The following CSMD1 variants were observed in gnomAD, a reference collection of about 807,000 sequenced individuals.
CSMD1 encodes CUB and sushi domain-containing protein 1.
A neutral mutation model predicts 417.5 loss-of-function variants in CSMD1; 213 were observed. The ratio of observed to expected loss-of-function variants is 0.51; its 90% confidence interval spans 0.46 to 0.57. The LOEUF (loss-of-function observed/expected upper bound fraction) is 0.57. Ranked by LOEUF, CSMD1 falls within the 20% of genes least tolerant of loss-of-function variation. The probability of loss-of-function intolerance (pLI) is 0.00; values close to 1 mark genes in which losing one functional copy is unlikely to be tolerated. For synonymous variants in CSMD1, 2,862 were observed against 1,736.8 expected, an observed-to-expected ratio of 1.65 and a Z score of -16.11; for missense variants, 6,923 against 4,529.7, an observed-to-expected ratio of 1.53 and a Z score of -15.17.
intron 25 of CSMD1, among the ~76,000 whole-genome samples, chr8:3,305,244 TTC>T (rs1320926613): frequency 3.3e-5 from 5 of 152,262 alleles, no homozygotes; most frequent in Non-Finnish European, 5.9e-5. Context: ...AAATATTAAA[TTC>T]TGTTACTCAG....
chr8:4,804,029 T>C (rs1226526973), intron 1 of CSMD1, among the ~76,000 whole-genome samples: 1 of 152,210 alleles, frequency 6.6e-6, no homozygotes, highest in Non-Finnish European at 1.5e-5. Context: ...GCCACATCTT[T>C]TAAATGCCAA....
intron 49 of CSMD1, among the ~76,000 whole-genome samples, chr8:3,062,594 T>C (rs1465619002): frequency 1.4e-5 from 2 of 139,716 alleles, no homozygotes; most frequent in East Asian, 2.1e-4. Context: ...AAATGCAAAA[T>C]TGAGGATAAT....
chr8:4,265,241 T>G (rs994368672), intron 3 of CSMD1, among the ~76,000 whole-genome samples: 1 of 152,088 alleles, frequency 6.6e-6, no homozygotes, highest in African/African-American at 2.4e-5. Context: ...TATTCATATA[T>G]TTTATGCTAT....
intron 52 of CSMD1, among the ~76,000 whole-genome samples, chr8:3,003,006 C>A (rs960989743): frequency 2.0e-5 from 3 of 152,192 alleles, no homozygotes; most frequent in South Asian, 2.1e-4. Context: ...ACAATTATTT[C>A]TTCATTGTGG....
At chr8:2,970,762 G>A (rs528744339) in intron 57 of CSMD1, among the ~76,000 whole-genome samples, 5 of 152,136 alleles carry the variant, frequency 3.3e-5, no homozygotes, top group East Asian at 1.9e-4. Context: ...CAAAAGTCCC[G>A]AATGATAAAT....
chr8:3,274,956 T>G (rs973264014), intron 26 of CSMD1, among the ~76,000 whole-genome samples: 23 of 152,190 alleles, frequency 1.5e-4, no homozygotes, highest in African/African-American at 5.3e-4. Flanking sequence ...TATGTGTGAA[T>G]TTGATCCTGT....
intron 7 of CSMD1, among the ~76,000 whole-genome samples, chr8:3,652,630 T>G (rs1797915951): frequency 6.6e-6 from 1 of 152,076 alleles, no homozygotes; most frequent in African/African-American, 2.4e-5. Context: ...GAGCTCCCAT[T>G]TATGGAACCA....
At chr8:4,910,699 GT>G (rs1427870088) in intron 1 of CSMD1, among the ~76,000 whole-genome samples, 3 of 152,238 alleles carry the variant, frequency 2.0e-5, no homozygotes, top group African/African-American at 4.8e-5. Flanking sequence ...ATAGAAATGT[GT>G]TTTAAGATAT....
At chr8:4,719,669 A>G (rs761256591) in intron 1 of CSMD1, among the ~76,000 whole-genome samples, 3 of 152,212 alleles carry the variant, frequency 2.0e-5, no homozygotes, top group Non-Finnish European at 1.5e-5. Flanking sequence ...ATTTATTTGT[A>G]CTTCCAGATG....
intron 6 of CSMD1, among the ~76,000 whole-genome samples, chr8:3,737,236 G>C (rs948158758): frequency 3.3e-5 from 5 of 151,992 alleles, no homozygotes; most frequent in African/African-American, 9.7e-5. Context: ...TTGCTTTCTA[G>C]AGATAAGCCG....
chr8:4,884,964 C>T (rs746120828), intron 1 of CSMD1, among the ~76,000 whole-genome samples: 1 of 152,076 alleles, frequency 6.6e-6, no homozygotes, highest in African/African-American at 2.4e-5. Context: ...TATGAAATCT[C>T]CCAACACAGA....
chr8:3,713,662 T>C (rs138825174), intron 6 of CSMD1, among the ~76,000 whole-genome samples: 2 of 152,298 alleles, frequency 1.3e-5, no homozygotes, highest in South Asian at 2.1e-4. Flanking sequence ...GCTTTACCTA[T>C]AAAGGGAGAT....
chr8:4,002,419 T>C (rs1371038369), intron 4 of CSMD1, among the ~76,000 whole-genome samples: 1 of 152,230 alleles, frequency 6.6e-6, no homozygotes, highest in Non-Finnish European at 1.5e-5. Context: ...AACTAATATG[T>C]TTGATGAGCA....
chr8:4,531,522 C>A (rs2130459369), intron 2 of CSMD1, among the ~76,000 whole-genome samples: 1 of 152,190 alleles, frequency 6.6e-6, no homozygotes, highest in East Asian at 1.9e-4. Flanking sequence ...CTACACACCC[C>A]CAGAAGGTTG....
At chr8:3,785,060 C>A (rs6986621) in intron 5 of CSMD1, among the ~76,000 whole-genome samples, 13,991 of 152,160 alleles carry the variant, frequency 0.092, 834 homozygotes, top group African/African-American at 0.16. Context: ...CCCATCTCAC[C>A]CCTCAATAGC....
chr8:4,221,847 T>G (rs1489185140), intron 3 of CSMD1, among the ~76,000 whole-genome samples: 1 of 152,148 alleles, frequency 6.6e-6, no homozygotes, highest in Non-Finnish European at 1.5e-5. Context: ...CAGGAATTCT[T>G]ATTACACTCA....
chr8:3,795,057 T>TATAGATAC (rs764745299), intron 5 of CSMD1, among the ~76,000 whole-genome samples: 1 of 136,654 alleles, frequency 7.3e-6, no homozygotes, highest in Admixed American at 7.6e-5. Flanking sequence ...CATGTATAGC[T>TATAGATAC]ATAGATATAT....
intron 1 of CSMD1, among the ~76,000 whole-genome samples, chr8:4,734,697 T>C (rs1262722416): frequency 6.6e-6 from 1 of 152,164 alleles, no homozygotes; most frequent in African/African-American, 2.4e-5. Context: ...GAGTGGGCCG[T>C]TCAAGCAAAA....
intron 3 of CSMD1, among the ~76,000 whole-genome samples, chr8:4,415,713 G>C (rs990329202): frequency 6.6e-6 from 1 of 152,188 alleles, no homozygotes; most frequent in African/African-American, 2.4e-5. Flanking sequence ...ATAAATGAGA[G>C]AAGAAATGAA....
Sources: allele counts gnomAD v4.1 joint callset (sites outside exome capture counted in the v4.1 genomes callset), GRCh38; gene constraint gnomAD v4.1.1; transcripts MANE v1.5; gene names NCBI Gene and HGNC (gene_info 2026-07-23, HGNC 2026-07-21).